LRRC7: variants seen among roughly 807,000 people sequenced by gnomAD.
LRRC7 encodes leucine-rich repeat-containing protein 7.
A neutral mutation model predicts 175.7 loss-of-function variants in LRRC7; 23 were observed. That is an observed-to-expected ratio of 0.13 (90% CI 0.09 to 0.19). The LOEUF (loss-of-function observed/expected upper bound fraction) is 0.19, where lower values mean the gene tolerates loss of function less well. Ranked by LOEUF, LRRC7 falls within the 10% of genes least tolerant of loss-of-function variation. The pLI is 1.00. For synonymous variants in LRRC7, 685 were observed against 680.9 expected, an observed-to-expected ratio of 1.01 and a Z score of -0.09; for missense variants, 1,354 against 1,904.7, an observed-to-expected ratio of 0.71 and a Z score of 5.38.
chr1:69,987,322 G>A (rs12047627), intron 10 of LRRC7, among the ~76,000 whole-genome samples: 10,834 of 152,248 alleles, frequency 0.071, 414 homozygotes, highest in South Asian at 0.11. Context: ...GCTTTTTTGT[G>A]TAGGTATCTT....
At chr1:69,924,738 T>C (rs1484222192) in intron 7 of LRRC7, among the ~76,000 whole-genome samples, 2 of 152,228 alleles carry the variant, frequency 1.3e-5, no homozygotes, top group African/African-American at 4.8e-5. Flanking sequence ...AATCATGTCA[T>C]CTGCAAACAG....
chr1:69,775,733 G>C (rs76473371), intron 3 of LRRC7, among the ~76,000 whole-genome samples: 3,430 of 152,242 alleles, frequency 0.023, 67 homozygotes, highest in Non-Finnish European at 0.032. Flanking sequence ...TTCTAAGAGA[G>C]AACCATAAAT....
At chr1:70,073,375 C>T (rs993623932) in intron 23 of LRRC7, among the ~76,000 whole-genome samples, 4 of 152,110 alleles carry the variant, frequency 2.6e-5, no homozygotes, top group Non-Finnish European at 4.4e-5. Flanking sequence ...GCTATTACAC[C>T]GGGAGTTCAA....
intron 15 of LRRC7, 86 bp from the exon 16 acceptor site, chr1:70,020,919 C>A: frequency 1.9e-6 from 2 of 1,046,310 alleles, no homozygotes; most frequent in Non-Finnish European, 2.6e-6. Flanking sequence ...TTTGTAGTAT[C>A]TATCACCATT....
At chr1:70,103,734 G>C (rs1274330587) in intron 25 of LRRC7, among the ~76,000 whole-genome samples, 10 of 152,162 alleles carry the variant, frequency 6.6e-5, no homozygotes, top group Admixed American at 3.9e-4. Context: ...TATTGAAAAA[G>C]AGGGTTAATG....
intron 1 of LRRC7, among the ~76,000 whole-genome samples, chr1:69,588,382 T>A (rs1325033739): frequency 1.3e-5 from 2 of 152,164 alleles, no homozygotes; most frequent in African/African-American, 2.4e-5. Context: ...AAACCGGATG[T>A]GAAATTAATG....
In LRRC7 at chr1:70,054,009, A is replaced by G. The variant is rs528595419; in HGVS notation, c.4230+864A>G. Among the ~76,000 whole-genome samples the G allele has an allele frequency of 2.6e-5, 4 of 152,182 alleles. No individual in the cohort carries two copies. In the East Asian group the frequency reaches 7.7e-4, roughly 29 times the overall value. ...GTTTGTAGGTATAAGAGCAATGGAA[A>G]CTCTTTTAGACTTCTTATTGGAATA... is the stretch of plus-strand genomic sequence containing the variant. On this transcript the variant is annotated intron_variant, in intron 23 of 26. Coordinates refer to ENST00000651989, the MANE Select transcript of LRRC7 (RefSeq NM_001370785.2).
chr1:69,680,748 A>G (rs1260578275), intron 2 of LRRC7, among the ~76,000 whole-genome samples: 1 of 151,682 alleles, frequency 6.6e-6, no homozygotes, highest in Non-Finnish European at 1.5e-5. Context: ...GAGACACATG[A>G]AAGGATTTAT....
intron 2 of LRRC7, among the ~76,000 whole-genome samples, chr1:69,692,999 C>G (rs975542300): frequency 3.9e-5 from 6 of 152,146 alleles, no homozygotes; most frequent in African/African-American, 1.4e-4. Flanking sequence ...TCCATCTTCT[C>G]CTGCCTTTGG....
At chr1:69,859,881 G>A in intron 7 of LRRC7, among the ~76,000 whole-genome samples, 1 of 152,030 alleles carries the variant, frequency 6.6e-6, no homozygotes, top group South Asian at 2.1e-4. Context: ...TTAATAATAT[G>A]TGTTAATATT....
chr1:69,981,339 A>G (rs962227502), intron 9 of LRRC7, among the ~76,000 whole-genome samples: 7 of 152,236 alleles, frequency 4.6e-5, no homozygotes, highest in African/African-American at 9.6e-5. Flanking sequence ...AGCAAAACCA[A>G]CAAGAACAAG....
At chr1:69,778,140 G>A (rs947953885) in intron 3 of LRRC7, among the ~76,000 whole-genome samples, 6 of 152,054 alleles carry the variant, frequency 3.9e-5, no homozygotes, top group African/African-American at 1.4e-4. Flanking sequence ...CATCTCAACT[G>A]TCACTTCCTC....
chr1:69,752,288 G>C (rs1669924726), intron 2 of LRRC7, among the ~76,000 whole-genome samples: 1 of 152,120 alleles, frequency 6.6e-6, no homozygotes. Flanking sequence ...CAATGAATAA[G>C]TCAGATACAT....
chr1:69,705,837 A>G (rs1242784242), intron 2 of LRRC7, among the ~76,000 whole-genome samples: 1 of 152,130 alleles, frequency 6.6e-6, no homozygotes, highest in Non-Finnish European at 1.5e-5. Context: ...TCTAATTTGT[A>G]TGGTTAATTT....
At position 70,136,654 on chromosome 1, in the gene LRRC7, G is replaced by T. The variant is rs1666884258; in HGVS notation, c.*14767G>T. 6.8e-6 allele frequency among the ~76,000 whole-genome samples: 1 copy of T among 148,028 alleles called. No homozygotes were observed. Among genetic ancestry groups the T allele is most frequent in the Non-Finnish European group, 1.5e-5 (1 of 67,056 alleles). ...AAATATGAGGAAAGAACACTGTATT[G>T]TCACCTTCTCTCACAGTTTAATAAA... On this transcript the variant is annotated 3_prime_UTR_variant, in exon 27 of 27. Coordinates refer to ENST00000651989, the MANE Select transcript of LRRC7 (RefSeq NM_001370785.2).
intron 2 of LRRC7, among the ~76,000 whole-genome samples, chr1:69,699,608 G>A (rs950115090): frequency 6.6e-6 from 1 of 152,134 alleles, no homozygotes; most frequent in Non-Finnish European, 1.5e-5. Flanking sequence ...TCTCTGTTTT[G>A]AATGTCCTTG....
At chr1:70,028,536 G>C (rs1439171825) in intron 18 of LRRC7, among the ~76,000 whole-genome samples, 165 bp downstream of exon 18, 3 of 152,030 alleles carry the variant, frequency 2.0e-5, no homozygotes, top group African/African-American at 7.2e-5. Flanking sequence ...ATCAGTCATA[G>C]AAAAATGATA....
chr1:70,035,971 G>A (rs1277303058), intron 18 of LRRC7, 150 bp from the exon 19 acceptor site: 2 of 551,142 alleles, frequency 3.6e-6, no homozygotes, highest in East Asian at 6.6e-5. Context: ...TTAACTCAGA[G>A]ATACATATGG....
chr1:69,985,149 G>A (rs1394224609), intron 9 of LRRC7, among the ~76,000 whole-genome samples: 2 of 152,046 alleles, frequency 1.3e-5, no homozygotes, highest in Non-Finnish European at 1.5e-5. Flanking sequence ...TTTCTTACTT[G>A]AAAGTTTCCT....
Sources: gnomAD v4.1 joint callset for allele counts (sites outside exome capture counted in the v4.1 genomes callset) on GRCh38, gnomAD v4.1.1 for gene constraint, MANE v1.5 for transcripts, NCBI Gene and HGNC (gene_info 2026-07-23, HGNC 2026-07-21) for gene names.